The following COPS7B variants were observed in gnomAD, a reference collection of about 807,000 sequenced individuals.
The protein encoded by COPS7B is COP9 signalosome subunit 7B, also known as COP9 signalosome complex subunit 7b.
In COPS7B, 9 loss-of-function variants were observed where a neutral mutation model predicts 33.4. The observed-to-expected ratio is 0.27, with a 90% confidence interval of 0.16 to 0.47. COPS7B has a LOEUF of 0.47. Among genes scored for constraint, COPS7B ranks in the 20% least tolerant of loss-of-function variants. The pLI, the probability that COPS7B is intolerant of heterozygous loss-of-function variation, is 0.99. For synonymous variants in COPS7B, 119 were observed against 126.3 expected (o/e 0.94, Z 0.39); for missense variants, 242 against 318.2 (o/e 0.76, Z 1.82).
At chr2:231,801,283 A>C (rs973217637) in intron 6 of COPS7B, 1 of 1,535,662 alleles carries the variant, frequency 6.5e-7, no homozygotes, top group Non-Finnish European at 8.8e-7. Flanking sequence ...TATTCTCTCC[A>C]TTTAGGCTTT....
intron 2 of COPS7B, 82 bp from the exon 3 acceptor site, chr2:231,791,651 C>T (rs1184079853): frequency 1.7e-6 from 2 of 1,182,706 alleles, no homozygotes; most frequent in Non-Finnish European, 2.5e-6. Flanking sequence ...ATCTTTGACA[C>T]ATGCTCACCC....
intron 4 of COPS7B, among the ~76,000 whole-genome samples, chr2:231,795,839 G>A (rs1362511481): frequency 6.6e-6 from 1 of 152,146 alleles, no homozygotes; most frequent in African/African-American, 2.4e-5. Context: ...AAGTTTTTAG[G>A]ATCTCTACAA....
At chr2:231,783,141 A>AT (rs1361339442), upstream of COPS7B, among the ~76,000 whole-genome samples, 1 of 152,188 alleles carries the variant, frequency 6.6e-6, no homozygotes, top group East Asian at 1.9e-4. Flanking sequence ...TAATTGCTGA[A>AT]TAGTATTCTG....
At chr2:231,784,804 A>G (rs2049200415), upstream of COPS7B, among the ~76,000 whole-genome samples, 1 of 152,014 alleles carries the variant, frequency 6.6e-6, no homozygotes, top group Non-Finnish European at 1.5e-5. Flanking sequence ...CCCAATTGCC[A>G]CTACCTTTGT....
intron 5 of COPS7B, among the ~76,000 whole-genome samples, 188 bp from the exon 6 acceptor site, chr2:231,798,671 G>A (rs952579226): frequency 6.6e-6 from 1 of 152,200 alleles, no homozygotes; most frequent in South Asian, 2.1e-4. Flanking sequence ...GTCTCCTAAT[G>A]TCCTGCATTA....
In COPS7B at chr2:231,791,354, A is replaced by T. The variant is rs372628608; in HGVS notation, c.163-379A>T. Among the ~76,000 whole-genome samples the T allele has an allele frequency of 2.6e-5, 4 of 152,372 alleles. No individual in the cohort carries two copies. In the South Asian group the frequency reaches 6.2e-4, roughly 24 times the overall value. On this transcript the variant is annotated intron_variant, in intron 2 of 6. Transcript: ENST00000350033. The stretch of plus-strand genomic sequence containing the variant: ...GTTCACTTTGGGTTGGTGGTGGCTC[A>T]TGCCATACCTACCAAGCTGGTATGT...
At position 231,796,070 on chromosome 2, in the gene COPS7B, A is replaced by T. The variant is rs73088818; in HGVS notation, c.328-36A>T. On this transcript the variant is annotated intron_variant, in intron 4 of 6. Transcript: ENST00000350033. ...CTGCATTTTCGCTAATGCTTGCCAG[A>T]TGGTTTTTATAATGATCACATGGCC... The T allele has an allele frequency of 1.2e-3, 1,973 of 1,586,096 alleles. 13 individuals carry two copies. The African/African-American group carries it at 0.022, about 18-fold the overall frequency.
rs538447175 is a variant in COPS7B, at chr2:231,799,480, G to A, written c.636+516G>A. On this transcript the variant is annotated intron_variant, in intron 6 of 6. Coordinates refer to ENST00000350033, the MANE Select transcript of COPS7B (RefSeq NM_022730.4). The stretch of plus-strand genomic sequence containing the variant: ...GTAAAATGCATGACATGTTTCATAC[G>A]GAAAGAAGAAAGGGATAAAATTTGG... Among the ~76,000 whole-genome samples, 266 of 152,276 alleles carry A rather than the reference G, an allele frequency of 1.7e-3. 1 individual carries two copies. Among genetic ancestry groups the A allele is most frequent in the Middle Eastern group, 3.4e-3 (1 of 294 alleles).
chr2:231,786,849 A>G (rs1300755954), intron 1 of COPS7B, among the ~76,000 whole-genome samples: 2 of 152,150 alleles, frequency 1.3e-5, no homozygotes, highest in Non-Finnish European at 2.9e-5. Context: ...ACGGGAATTT[A>G]TCTCCGCTCT....
At chr2:231,790,623 C>T in intron 2 of COPS7B, 1 of 151,894 alleles carries the variant, frequency 6.6e-6, no homozygotes, top group Non-Finnish European at 1.5e-5. Flanking sequence ...TTTTTAATGG[C>T]TAAAATTGAG....
intron 6 of COPS7B, among the ~76,000 whole-genome samples, chr2:231,803,762 C>T (rs776014519): frequency 3.9e-5 from 6 of 152,130 alleles, no homozygotes; most frequent in Non-Finnish European, 7.4e-5. Flanking sequence ...AAGGATGATG[C>T]GCGGGCTCCC....
At chr2:231,789,096 T>G (rs1372764444) in intron 2 of COPS7B, 2 of 200,690 alleles carry the variant, frequency 1.0e-5, no homozygotes, top group Non-Finnish European at 2.1e-5. Context: ...GGAAGATTGG[T>G]CAGGGACACA....
At chr2:231,782,185 C>T (rs894899899), upstream of COPS7B, among the ~76,000 whole-genome samples, 4 of 152,198 alleles carry the variant, frequency 2.6e-5, no homozygotes, top group African/African-American at 7.2e-5. Context: ...AGCCCTAAGT[C>T]GGCTGACTTG....
upstream of COPS7B, among the ~76,000 whole-genome samples, chr2:231,783,543 G>T (rs188741186): frequency 2.6e-5 from 4 of 152,236 alleles, no homozygotes; most frequent in East Asian, 7.7e-4. Context: ...TGTGCTTGTT[G>T]GCTAGTTGAA....
intron 6 of COPS7B, among the ~76,000 whole-genome samples, chr2:231,803,870 T>C (rs901913915): frequency 6.6e-6 from 1 of 152,172 alleles, no homozygotes; most frequent in Non-Finnish European, 1.5e-5. Flanking sequence ...CAGCAAAGCC[T>C]TGGGAGTCAG....
rs1276899329 is a variant in COPS7B at position 231,798,932 on chromosome 2, C to A, written c.604C>A (p.His202Asn). Residue 202 changes from histidine to asparagine, a missense_variant, in exon 6 of 7, where the codon CAC becomes AAC. Physicochemically the swap from His to Asn is moderately conservative, Grantham distance 68. Transcript: ENST00000350033. Reference sequence around the variant, plus strand: ...GAGAGCCAACCAGTACAAAGAGAACCACAACCGAACTCAGCAGCAGGTAGA... The same window carrying A: ...GAGAGCCAACCAGTACAAAGAGAACAACAACCGAACTCAGCAGCAGGTAGA... ...VLRANQYKEN[H>N]NRTQQQVEAE... 3 of 1,614,174 alleles carry A rather than the reference C, an allele frequency of 1.9e-6. No individual in the cohort carries two copies. Among genetic ancestry groups the A allele is most frequent in the Non-Finnish European group, 2.5e-6 (3 of 1,180,010 alleles).
At chr2:231,791,660 C>A in intron 2 of COPS7B, 73 bp from the exon 3 acceptor site, 1 of 1,291,850 alleles carries the variant, frequency 7.7e-7, no homozygotes, top group Non-Finnish European at 1.1e-6. Flanking sequence ...ACATGCTCAC[C>A]CGTCCTCTGT....
At chr2:231,806,626 C>T (rs2049902806) in intron 6 of COPS7B, among the ~76,000 whole-genome samples, 1 of 152,042 alleles carries the variant, frequency 6.6e-6, no homozygotes, top group Non-Finnish European at 1.5e-5. Flanking sequence ...CCACCACCAT[C>T]CTCTTCCTGC....
chr2:231,803,144 C>T (rs1320692539), intron 6 of COPS7B, among the ~76,000 whole-genome samples: 6 of 152,096 alleles, frequency 3.9e-5, no homozygotes, highest in African/African-American at 4.8e-5. Context: ...GGGAGGCCAT[C>T]GAAGAGGGAG....
Sources: gnomAD v4.1 joint callset for allele counts (sites outside exome capture counted in the v4.1 genomes callset) on GRCh38, gnomAD v4.1.1 for gene constraint, MANE v1.5 for transcripts, NCBI Gene and HGNC (gene_info 2026-07-23, HGNC 2026-07-21) for gene names.